The following GCA variants were observed in gnomAD, a reference collection of about 807,000 sequenced individuals.
The protein encoded by GCA is grancalcin, EF-hand calcium-binding protein.
A neutral mutation model predicts 32.6 loss-of-function variants in GCA; 30 were observed. The ratio of observed to expected loss-of-function variants is 0.92; its 90% CI spans 0.69 to 1.25. The LOEUF is 1.25. Ranked by LOEUF, GCA falls within the 50% of genes most tolerant of loss-of-function variation. The pLI is 0.00. For synonymous variants in GCA, 102 were observed against 84.6 expected (o/e 1.21, Z -1.13); for missense variants, 291 against 266.8 (o/e 1.09, Z -0.63).
At position 162,361,740 on chromosome 2, in the gene GCA, T is replaced by C; in HGVS notation, c.*1497T>C. On this transcript the variant is annotated 3_prime_UTR_variant, in exon 8 of 8. Coordinates refer to ENST00000437150, the MANE Select transcript of GCA (RefSeq NM_012198.5). ...TTGTTCTCTGGCTTTTTTATGAACA[T>C]ATATTTGATAATGTGAGAGGACATT... The C allele has an allele frequency of 1.0e-6, 1 of 981,958 alleles. No homozygotes were observed. Among genetic ancestry groups the C allele is most frequent in the Non-Finnish European group, 1.2e-6 (1 of 826,958 alleles). 60.8% of individuals were successfully genotyped at this position (981,958 alleles called of 1,614,324 possible).
At chr2:162,329,045 T>C (rs1683985683) in intron 1 of GCA, among the ~76,000 whole-genome samples, 1 of 152,156 alleles carries the variant, frequency 6.6e-6, no homozygotes, top group Non-Finnish European at 1.5e-5. Context: ...TGTATTCTTC[T>C]GCTGATGTTC....
chr2:162,344,394 G>C (rs1007403817), intron 1 of GCA, 119 bp downstream of exon 1: 2 of 946,406 alleles, frequency 2.1e-6, no homozygotes, highest in Non-Finnish European at 3.3e-6. Flanking sequence ...CCTGGTACTC[G>C]GCGGCGCCGG....
chr2:162,321,019 G>C (rs1019080192), intron 1 of GCA, among the ~76,000 whole-genome samples: 12 of 152,214 alleles, frequency 7.9e-5, no homozygotes, highest in African/African-American at 2.9e-4. Context: ...TGCTGGATGA[G>C]GTCTGAGTGA....
downstream of GCA, chr2:162,371,732 G>A (rs1431296120): frequency 2.6e-6 from 3 of 1,173,238 alleles, no homozygotes; most frequent in African/African-American, 1.5e-5. Flanking sequence ...ATGGTACCTT[G>A]TGAGCCCCTG....
chr2:162,364,733 CAG>C (rs895873494), downstream of GCA, among the ~76,000 whole-genome samples: 12 of 151,366 alleles, frequency 7.9e-5, no homozygotes, highest in African/African-American at 2.4e-4. Context: ...AGAGAAGCAA[CAG>C]GGGGAGGAAT....
chr2:162,344,878 G>A (rs1684605893), intron 1 of GCA, among the ~76,000 whole-genome samples: 1 of 151,858 alleles, frequency 6.6e-6, no homozygotes, highest in East Asian at 1.9e-4. Context: ...TTTCAGAAAG[G>A]AGCCCAAACC....
downstream of GCA, among the ~76,000 whole-genome samples, chr2:162,372,458 A>G (rs1685988760): frequency 6.6e-6 from 1 of 152,190 alleles, no homozygotes; most frequent in African/African-American, 2.4e-5. Context: ...AGGAGGAAAG[A>G]AAAGATGGGA....
At chr2:162,373,463 CACTT>C, downstream of GCA, 1 of 1,513,206 alleles carries the variant, frequency 6.6e-7, no homozygotes, top group East Asian at 2.5e-5. Flanking sequence ...ATGGTATCCA[CACTT>C]ACTTGTGAGG....
chr2:162,367,884 T>C (rs1412397581), downstream of GCA, among the ~76,000 whole-genome samples: 1 of 152,010 alleles, frequency 6.6e-6, no homozygotes, highest in African/African-American at 2.4e-5. Context: ...CATTGCCTTA[T>C]TTTTAGAGAT....
At chr2:162,357,981 T>C (rs1685371582) in intron 5 of GCA, among the ~76,000 whole-genome samples, 1 of 151,692 alleles carries the variant, frequency 6.6e-6, no homozygotes, top group Non-Finnish European at 1.5e-5. Context: ...AATATGAAGT[T>C]CAAAATATAT....
chr2:162,344,618 C>A (rs919142443), intron 1 of GCA: 12 of 414,970 alleles, frequency 2.9e-5, no homozygotes, highest in African/African-American at 2.0e-4. Flanking sequence ...CCCCGCCCCC[C>A]ACTCAGTGTT....
intron 3 of GCA, among the ~76,000 whole-genome samples, chr2:162,354,264 C>G (rs962177616): frequency 6.6e-6 from 1 of 152,124 alleles, no homozygotes; most frequent in Non-Finnish European, 1.5e-5. Context: ...GGTGATTTGG[C>G]TGGGCAGTTT....
At chr2:162,364,168 A>G (rs1340514729), downstream of GCA, among the ~76,000 whole-genome samples, 1 of 151,508 alleles carries the variant, frequency 6.6e-6, no homozygotes, top group Non-Finnish European at 1.5e-5. Flanking sequence ...GTAAGTATGT[A>G]CAGATACGTA....
At chr2:162,337,664 G>A (rs1011424466) in intron 1 of GCA, among the ~76,000 whole-genome samples, 3 of 152,138 alleles carry the variant, frequency 2.0e-5, no homozygotes, top group Non-Finnish European at 4.4e-5. Context: ...ATCATGGGTC[G>A]TCATCTACAT....
At position 162,353,329 on chromosome 2, in the gene GCA, G is replaced by A. The variant is rs182339161; in HGVS notation, c.262+922G>A. 2.2e-3 allele frequency among the ~76,000 whole-genome samples: 334 copies of A among 152,166 alleles called. 2 individuals carry two copies. The highest frequency in any genetic ancestry group is 7.6e-3 in the African/African-American group (316 of 41,522). ...CTAAAAATACAAAAATTAACTGGGCGTGGTGGCACGCACCTGTAGTCCCAG... is the reference window on the plus strand; with the variant it reads ...CTAAAAATACAAAAATTAACTGGGCATGGTGGCACGCACCTGTAGTCCCAG... On this transcript the variant is annotated intron_variant, in intron 3 of 7. Coordinates refer to ENST00000437150, the MANE Select transcript of GCA (RefSeq NM_012198.5).
chr2:162,373,942 A>C (rs1686062192), downstream of GCA, among the ~76,000 whole-genome samples: 1 of 152,220 alleles, frequency 6.6e-6, no homozygotes, highest in African/African-American at 2.4e-5. Flanking sequence ...CATTGATTTC[A>C]AAATGTAAAA....
At chr2:162,365,218 C>G (rs984333534), downstream of GCA, among the ~76,000 whole-genome samples, 14 of 151,382 alleles carry the variant, frequency 9.2e-5, no homozygotes, top group Non-Finnish European at 1.6e-4. Context: ...ATAAATAGAT[C>G]AGAAATTATA....
At chr2:162,331,239 CAGTT>C (rs1684071252) in intron 1 of GCA, among the ~76,000 whole-genome samples, 1 of 152,168 alleles carries the variant, frequency 6.6e-6, no homozygotes, top group African/African-American at 2.4e-5. Flanking sequence ...TGTTTGACCT[CAGTT>C]AGGAATCTGT....
chr2:162,344,521 G>A (rs1480486579), intron 1 of GCA: 1 of 536,146 alleles, frequency 1.9e-6, no homozygotes, highest in Non-Finnish European at 3.3e-6. Context: ...AGCCGAGGGA[G>A]TAATGTGTGT....
Sources: gnomAD v4.1 joint callset for allele counts (sites outside exome capture counted in the v4.1 genomes callset) on GRCh38, gnomAD v4.1.1 for gene constraint, MANE v1.5 for transcripts, NCBI Gene and HGNC (gene_info 2026-07-23, HGNC 2026-07-21) for gene names.